The following NCAM2 variants were observed in gnomAD, a reference collection of about 807,000 sequenced individuals.
NCAM2 encodes N-CAM-2.
In NCAM2, 30 loss-of-function variants were observed where a neutral mutation model predicts 98.1. The ratio of observed to expected loss-of-function variants is 0.31; its 90% CI spans 0.23 to 0.41. The LOEUF is 0.41. NCAM2 is among the 10% of genes least tolerant of loss of function. The pLI is 1.00. For missense variants in NCAM2, 867 were observed against 1,005.8 expected, an observed-to-expected ratio of 0.86 and a Z score of 1.87; for synonymous variants, 368 against 342.4, an observed-to-expected ratio of 1.07 and a Z score of -0.83.
At chr21:21,185,697 A>G (rs2068618028) in intron 1 of NCAM2, among the ~76,000 whole-genome samples, 2 of 152,268 alleles carry the variant, frequency 1.3e-5, no homozygotes, top group South Asian at 4.1e-4. Context: ...CACTATTAAA[A>G]ATAGCCCCAA....
rs1231104715 is a variant in NCAM2, at chr21:21,541,725, G to A, written c.*3768G>A. 1 of 151,580 alleles carries A rather than the reference G, an allele frequency of 6.6e-6. No individual in the cohort carries two copies. Among genetic ancestry groups the A allele is most frequent in the Non-Finnish European group, 1.5e-5 (1 of 67,710 alleles). 9.4% of individuals were successfully genotyped at this position (151,580 alleles called of 1,614,324 possible). A position where few individuals can be genotyped will look rare whatever the true frequency, so the allele number is the denominator to read the frequency against. On this transcript the variant is annotated 3_prime_UTR_variant, in exon 18 of 18. Transcript: ENST00000400546. ...ATAATATTTTCCATTAGTTAATTTA[G>A]GAAATATTGGAATAGCATATTATAA...
chr21:21,352,528 G>A (rs1037484692), intron 8 of NCAM2, among the ~76,000 whole-genome samples: 3 of 151,982 alleles, frequency 2.0e-5, no homozygotes, highest in African/African-American at 7.2e-5. Flanking sequence ...GTCATGGAAA[G>A]TGTCACACAA....
intron 15 of NCAM2, among the ~76,000 whole-genome samples, chr21:21,487,894 T>C (rs1330025784): frequency 6.6e-6 from 1 of 152,134 alleles, no homozygotes; most frequent in Non-Finnish European, 1.5e-5. Context: ...TGAGTTGCTA[T>C]TTTTGTTCAT....
At chr21:21,369,100 C>T (rs1047796433) in intron 8 of NCAM2, among the ~76,000 whole-genome samples, 2 of 147,526 alleles carry the variant, frequency 1.4e-5, no homozygotes, top group Admixed American at 1.4e-4. Context: ...GGTCATCACC[C>T]CCCAATCTCC....
chr21:21,432,313 A>T (rs1291616110), intron 12 of NCAM2, 32 bp downstream of exon 12: 2 of 1,597,464 alleles, frequency 1.3e-6, no homozygotes, highest in African/African-American at 2.7e-5. Flanking sequence ...GTGTTGGTTA[A>T]TTCAAGCTGA....
At chr21:21,423,918 T>C (rs2077162811) in intron 11 of NCAM2, among the ~76,000 whole-genome samples, 1 of 152,204 alleles carries the variant, frequency 6.6e-6, no homozygotes, top group Non-Finnish European at 1.5e-5. Context: ...ACTGGATCAA[T>C]TGAATAGAAT....
At chr21:21,495,456 G>T (rs79937317) in intron 15 of NCAM2, among the ~76,000 whole-genome samples, 38 of 152,028 alleles carry the variant, frequency 2.5e-4, no homozygotes, top group African/African-American at 8.7e-4. Context: ...AGCCCAGGCC[G>T]CCTCTAGCTC....
At chr21:21,149,581 G>A (rs2067386683) in intron 1 of NCAM2, among the ~76,000 whole-genome samples, 1 of 149,126 alleles carries the variant, frequency 6.7e-6, no homozygotes, top group Non-Finnish European at 1.5e-5. Context: ...CCCACCCCCC[G>A]ACAGGGCCCG....
intron 8 of NCAM2, among the ~76,000 whole-genome samples, chr21:21,346,830 A>T (rs1177363547): frequency 6.6e-6 from 1 of 152,014 alleles, no homozygotes; most frequent in Non-Finnish European, 1.5e-5. Flanking sequence ...GAAACAAATG[A>T]TAATGGAAGC....
chr21:21,083,702 A>T (rs995864087), intron 1 of NCAM2, among the ~76,000 whole-genome samples: 1 of 152,124 alleles, frequency 6.6e-6, no homozygotes, highest in Non-Finnish European at 1.5e-5. Context: ...GATGTGAGCC[A>T]CCACCCCCAG....
intron 15 of NCAM2, among the ~76,000 whole-genome samples, chr21:21,478,170 T>C (rs2254439): frequency 0.56 from 84,966 of 151,914 alleles, 25,163 homozygotes; most frequent in African/African-American, 0.7. Context: ...AAATTTATTC[T>C]GACTCAAAAT....
intron 8 of NCAM2, among the ~76,000 whole-genome samples, chr21:21,353,676 G>A (rs1029394314): frequency 2.6e-5 from 4 of 152,068 alleles, no homozygotes; most frequent in African/African-American, 7.2e-5. Context: ...TCTCACATCT[G>A]TCTTGCCTAA....
At chr21:21,285,777 A>G (rs1259571630) in intron 3 of NCAM2, among the ~76,000 whole-genome samples, 1 of 151,992 alleles carries the variant, frequency 6.6e-6, no homozygotes, top group East Asian at 1.9e-4. Context: ...AAACAGATAC[A>G]TAGATGCTAG....
chr21:21,506,390 G>T (rs1987980112), intron 15 of NCAM2, among the ~76,000 whole-genome samples: 1 of 152,056 alleles, frequency 6.6e-6, no homozygotes, highest in Non-Finnish European at 1.5e-5. Context: ...GATAGATTCA[G>T]AAGTGAGTCA....
intron 1 of NCAM2, among the ~76,000 whole-genome samples, chr21:21,036,051 C>CT (rs1236690683): frequency 6.6e-6 from 1 of 152,020 alleles, no homozygotes; most frequent in Non-Finnish European, 1.5e-5. Context: ...TATTCTCTTT[C>CT]TTTTTGGAGC....
intron 15 of NCAM2, among the ~76,000 whole-genome samples, chr21:21,481,189 A>C (rs995054988): frequency 5.9e-5 from 9 of 152,186 alleles, no homozygotes; most frequent in African/African-American, 2.2e-4. Context: ...CACAGCAGTG[A>C]TTTCCAGAGA....
At chr21:21,341,264 G>A (rs556832650) in intron 8 of NCAM2, among the ~76,000 whole-genome samples, 5 of 152,060 alleles carry the variant, frequency 3.3e-5, no homozygotes, top group Middle Eastern at 3.4e-3. Context: ...TAAGAATCAC[G>A]TGGGAAGACT....
chr21:21,429,481 C>T (rs1460038469), intron 11 of NCAM2, among the ~76,000 whole-genome samples: 2 of 152,128 alleles, frequency 1.3e-5, no homozygotes, highest in Non-Finnish European at 2.9e-5. Flanking sequence ...CCAACTTAGA[C>T]CTAATGTACA....
At chr21:21,534,476 T>C (rs1989877076) in intron 16 of NCAM2, 61 bp from the exon 17 acceptor site, 1 of 1,346,452 alleles carries the variant, frequency 7.4e-7, no homozygotes. Flanking sequence ...AACTCTGTTT[T>C]TTTCCATAAT....
Sources: gnomAD v4.1 joint callset for allele counts (sites outside exome capture counted in the v4.1 genomes callset) on GRCh38, gnomAD v4.1.1 for gene constraint, MANE v1.5 for transcripts, NCBI Gene and HGNC (gene_info 2026-07-23, HGNC 2026-07-21) for gene names.